Variants in NRCAM observed in about 807,000 individuals in gnomAD.
NRCAM encodes NgCAM-related cell adhesion molecule.
A neutral mutation model predicts 156.5 loss-of-function variants in NRCAM; 83 were observed. The observed-to-expected ratio is 0.53, with a 90% confidence interval of 0.44 to 0.64. NRCAM has a LOEUF of 0.64. NRCAM is among the 30% of genes least tolerant of loss of function. NRCAM has a pLI of 0.00. For missense variants in NRCAM, 1,417 were observed against 1,597.3 expected (o/e 0.89, Z 1.92); for synonymous variants, 538 against 563.9 (o/e 0.95, Z 0.65).
intron 2 of NRCAM, among the ~76,000 whole-genome samples, chr7:108,385,553 G>A (rs544822078): frequency 5.3e-5 from 8 of 152,268 alleles, no homozygotes; most frequent in South Asian, 2.1e-4. Flanking sequence ...TGAATTAGTC[G>A]TCCTGCACAC....
intron 1 of NRCAM, among the ~76,000 whole-genome samples, chr7:108,451,866 G>A (rs1158036): frequency 0.38 from 57,119 of 151,968 alleles, 11,278 homozygotes; most frequent in African/African-American, 0.5. Context: ...TTCTGGAGAG[G>A]TATAGTGGTG....
chr7:108,447,764 T>C (rs1465536700), intron 1 of NRCAM, among the ~76,000 whole-genome samples: 1 of 152,244 alleles, frequency 6.6e-6, no homozygotes, highest in African/African-American at 2.4e-5. Context: ...TATTTCATTT[T>C]TGTAAGGTGA....
At chr7:108,347,984 T>C (rs1265715872) in intron 2 of NRCAM, among the ~76,000 whole-genome samples, 1 of 152,114 alleles carries the variant, frequency 6.6e-6, no homozygotes, top group Non-Finnish European at 1.5e-5. Flanking sequence ...TCTAGGAGGG[T>C]ATATTTATAC....
rs150573579 is a variant in NRCAM at position 108,321,065 on chromosome 7, A to G, written c.-173-8334T>C. Among the ~76,000 whole-genome samples, 255 of 152,372 alleles carry G rather than the reference A, an allele frequency of 1.7e-3. 1 individual carries two copies. Among genetic ancestry groups the G allele is most frequent in the African/African-American group, 5.8e-3 (243 of 41,594 alleles). Reference sequence around the variant, plus strand: ...CAACTCTAGACTATCATTCAAGTTCAGAAAAGTTGTATAGGTTTGGCTCAT... The same window carrying G: ...CAACTCTAGACTATCATTCAAGTTCGGAAAAGTTGTATAGGTTTGGCTCAT... On this transcript the variant is annotated intron_variant, in intron 2 of 32. Transcript: ENST00000379028.
intron 2 of NRCAM, among the ~76,000 whole-genome samples, chr7:108,383,138 T>TCACACACACACACACA (rs1554584665): frequency 8.8e-6 from 1 of 113,644 alleles, no homozygotes; most frequent in African/African-American, 3.6e-5. Context: ...ACACACGCTC[T>TCACACACACACACACA]CACACACACA....
At chr7:108,383,086 T>C (rs1056361422) in intron 2 of NRCAM, among the ~76,000 whole-genome samples, 1 of 151,946 alleles carries the variant, frequency 6.6e-6, no homozygotes, top group Non-Finnish European at 1.5e-5. Flanking sequence ...TGTGTTCCAA[T>C]GTAGTCCCAT....
chr7:108,184,040 A>AT (rs2065149853), intron 22 of NRCAM, among the ~76,000 whole-genome samples: 1 of 152,252 alleles, frequency 6.6e-6, no homozygotes, highest in South Asian at 2.1e-4. Flanking sequence ...GCACCAAATC[A>AT]TTTTGACTCC....
At chr7:108,307,940 G>C (rs936990151) in intron 3 of NRCAM, among the ~76,000 whole-genome samples, 2 of 152,180 alleles carry the variant, frequency 1.3e-5, no homozygotes, top group African/African-American at 4.8e-5. Flanking sequence ...CCTTTGTATA[G>C]AGTACCATGT....
chr7:108,381,918 G>T (rs899157920), intron 2 of NRCAM, among the ~76,000 whole-genome samples: 3 of 152,104 alleles, frequency 2.0e-5, no homozygotes, highest in Admixed American at 2.0e-4. Context: ...AGGGCAGACA[G>T]GTATGCTGGG....
chr7:108,203,624 G>C (rs1008501162), intron 13 of NRCAM, among the ~76,000 whole-genome samples: 12 of 152,208 alleles, frequency 7.9e-5, no homozygotes, highest in Non-Finnish European at 1.5e-4. Context: ...GAGACAGTCA[G>C]TGTCCTTAGG....
chr7:108,357,936 T>C (rs778933410), intron 2 of NRCAM, among the ~76,000 whole-genome samples: 7 of 115,886 alleles, frequency 6.0e-5, no homozygotes, highest in African/African-American at 8.9e-5. Flanking sequence ...TTAAATAGAC[T>C]ACATATGGTA....
At chr7:108,372,881 A>C (rs905170809) in intron 2 of NRCAM, among the ~76,000 whole-genome samples, 1 of 152,170 alleles carries the variant, frequency 6.6e-6, no homozygotes, top group Non-Finnish European at 1.5e-5. Context: ...TCAACATCTC[A>C]AAGGAATATG....
At chr7:108,390,381 C>G (rs945823870) in intron 2 of NRCAM, among the ~76,000 whole-genome samples, 1 of 152,092 alleles carries the variant, frequency 6.6e-6, no homozygotes, top group Non-Finnish European at 1.5e-5. Context: ...TCAGAAAATA[C>G]TGGTGGTAGT....
chr7:108,262,219 C>T (rs555852453), intron 3 of NRCAM, among the ~76,000 whole-genome samples: 1 of 152,134 alleles, frequency 6.6e-6, no homozygotes, highest in East Asian at 1.9e-4. Flanking sequence ...TTTGCAAAAT[C>T]TCATACCCTG....
At position 108,168,458 on chromosome 7, in the gene NRCAM, G is replaced by A. The variant is rs540071841; in HGVS notation, c.3188-56C>T. 94 of 1,411,276 alleles carry A rather than the reference G, an allele frequency of 6.7e-5. 1 individual carries two copies. The highest frequency in any genetic ancestry group is 7.7e-5 in the East Asian group (3 of 38,760). 87.4% of individuals were successfully genotyped at this position (1,411,276 alleles called of 1,614,324 possible). ...AATCATATTGCAACACCATACACACGAATATAAAATAAGTTTAAATACTCT... is the reference window on the plus strand; with the variant it reads ...AATCATATTGCAACACCATACACACAAATATAAAATAAGTTTAAATACTCT... On this transcript the variant is annotated intron_variant, in intron 28 of 32. Transcript: ENST00000379028.
intron 3 of NRCAM, among the ~76,000 whole-genome samples, chr7:108,286,023 G>C (rs1390393067): frequency 1.3e-5 from 2 of 152,202 alleles, no homozygotes; most frequent in Non-Finnish European, 2.9e-5. Flanking sequence ...AGTAGGCTTT[G>C]TAAGCCTTAT....
chr7:108,435,994 C>CG (rs1239719429), intron 1 of NRCAM, among the ~76,000 whole-genome samples: 1 of 152,098 alleles, frequency 6.6e-6, no homozygotes, highest in Non-Finnish European at 1.5e-5. Context: ...ATTAGCCGGG[C>CG]GTGTTGGCGG....
At chr7:108,297,085 C>T (rs1028743986) in intron 3 of NRCAM, among the ~76,000 whole-genome samples, 10 of 152,198 alleles carry the variant, frequency 6.6e-5, no homozygotes, top group African/African-American at 2.2e-4. Flanking sequence ...AAGGCCCAAT[C>T]AGTCTTTGTA....
At chr7:108,412,827 CTAAACA>C (rs1311755043) in intron 1 of NRCAM, among the ~76,000 whole-genome samples, 2 of 152,154 alleles carry the variant, frequency 1.3e-5, no homozygotes, top group Non-Finnish European at 2.9e-5. Context: ...GCTTATTTCA[CTAAACA>C]TAATGTCCTC....
Sources: gnomAD v4.1 joint callset for allele counts (sites outside exome capture counted in the v4.1 genomes callset) on GRCh38, gnomAD v4.1.1 for gene constraint, MANE v1.5 for transcripts, NCBI Gene and HGNC (gene_info 2026-07-23, HGNC 2026-07-21) for gene names.